SEC23B: variants seen among roughly 807,000 people sequenced by gnomAD.
The protein encoded by SEC23B is SEC23 homolog B, COPII component.
SEC23B carries 77 observed loss-of-function variants against 104.3 expected under a neutral mutation model. The ratio of observed to expected loss-of-function variants is 0.74; its 90% CI spans 0.61 to 0.89. The LOEUF is 0.89. Ranked by LOEUF, SEC23B falls within the 40% of genes least tolerant of loss-of-function variation. SEC23B has a pLI of 0.00. For missense variants in SEC23B, 885 were observed against 949.4 expected (o/e 0.93, Z 0.89); for synonymous variants, 338 against 332.5 (o/e 1.02, Z -0.18).
intron 14 of SEC23B, 38 bp from the exon 15 acceptor site, chr20:18,545,918 T>C (rs1486755963): frequency 8.7e-7 from 1 of 1,148,522 alleles, no homozygotes; most frequent in Admixed American, 1.7e-5. Flanking sequence ...TCTCTTTTTG[T>C]GTGTGTTTGT....
chr20:18,537,692 T>A (rs1256594861), intron 12 of SEC23B, among the ~76,000 whole-genome samples: 9 of 152,068 alleles, frequency 5.9e-5, no homozygotes, highest in East Asian at 3.9e-4. Context: ...CATATGTAAC[T>A]AACCTGCACA....
At chr20:18,534,920 G>A (rs762113361) in intron 11 of SEC23B, among the ~76,000 whole-genome samples, 42 of 152,126 alleles carry the variant, frequency 2.8e-4, no homozygotes, top group Non-Finnish European at 1.6e-4. Flanking sequence ...TGACTTCTTT[G>A]CCTTTTTCCT....
chr20:18,512,155 A>C (rs2059986914), intron 2 of SEC23B, 70 bp from the exon 3 acceptor site: 23 of 960,590 alleles, frequency 2.4e-5, no homozygotes, highest in Middle Eastern at 3.3e-4. Flanking sequence ...AACGCTTTCT[A>C]CCTTAAAAAT....
chr20:18,548,749 C>G lies in SEC23B; in HGVS notation c.1884C>G (p.Tyr628Ter). ...TGATCCAGCCCATTCTCTACTCTTA[C>G]TCCTTTCATGGGCCACCAGAGGTGA... ...LIMIQPILYS[Y>*]SFHGPPEPVL... The change falls in exon 16 of 20, where the codon TAC becomes TAG. Residue 628 changes from tyrosine (Y) to a stop codon, truncating the protein, a stop_gained. Coordinates refer to ENST00000650089, the MANE Select transcript of SEC23B (RefSeq NM_006363.6). LOFTEE classifies it high-confidence loss of function. 6.2e-7 allele frequency: 1 copy of G among 1,614,180 alleles called. No homozygotes were observed. The highest frequency in any genetic ancestry group is 8.5e-7 in the Non-Finnish European group (1 of 1,180,022).
chr20:18,554,517 AAT>A, intron 18 of SEC23B, 127 bp downstream of exon 18: 1 of 1,269,648 alleles, frequency 7.9e-7, no homozygotes, highest in Non-Finnish European at 1.1e-6. Context: ...TAATCTTCCA[AAT>A]ATGACTTCTT....
intron 9 of SEC23B, among the ~76,000 whole-genome samples, chr20:18,528,400 G>A (rs557327972): frequency 6.6e-6 from 1 of 152,298 alleles, no homozygotes; most frequent in East Asian, 1.9e-4. Context: ...AGTTTCTCCC[G>A]TGATTCTAAC....
chr20:18,519,743 T>G (rs1270505057), intron 4 of SEC23B, among the ~76,000 whole-genome samples: 1 of 152,138 alleles, frequency 6.6e-6, no homozygotes, highest in Non-Finnish European at 1.5e-5. Flanking sequence ...AATATAATGG[T>G]TTAGTCAGGA....
chr20:18,536,956 A>G lies in SEC23B; in HGVS notation c.1404+1214A>G, dbSNP rs567743589. Among the ~76,000 whole-genome samples the G allele has an allele frequency of 3.3e-5, 5 of 152,314 alleles. No individual in the cohort carries two copies. In the South Asian group the frequency reaches 8.3e-4, roughly 25 times the overall value. ...TCTTCATACTCTCATCTTCATGTTCAGTAGGCTGAGGAGGAGGAGGAAGAG... is the reference window on the plus strand; with the variant it reads ...TCTTCATACTCTCATCTTCATGTTCGGTAGGCTGAGGAGGAGGAGGAAGAG... On this transcript the variant is annotated intron_variant, in intron 12 of 19. Transcript: ENST00000650089.
chr20:18,558,536 A>G (rs984970856), intron 19 of SEC23B, among the ~76,000 whole-genome samples: 1 of 152,160 alleles, frequency 6.6e-6, no homozygotes. Context: ...CTTGACATCC[A>G]GTGACATGAA....
intron 4 of SEC23B, among the ~76,000 whole-genome samples, chr20:18,518,582 G>GTTTGTT (rs1419813616): frequency 1.2e-4 from 11 of 92,658 alleles, no homozygotes; most frequent in African/African-American, 4.2e-4. Flanking sequence ...CTGGAAGGAG[G>GTTTGTT]TTTTTTTTTT....
chr20:18,531,321 G>C (rs1283395225), intron 10 of SEC23B, among the ~76,000 whole-genome samples: 2 of 152,166 alleles, frequency 1.3e-5, no homozygotes, highest in Non-Finnish European at 2.9e-5. Context: ...ACAGAGACGT[G>C]GTTATGTTTA....
rs542252449 is a variant in SEC23B at position 18,537,484 on chromosome 20, G to A, written c.1404+1742G>A. Among the ~76,000 whole-genome samples the A allele has an allele frequency of 4.6e-4, 70 of 151,914 alleles. 1 individual carries two copies. The Middle Eastern group carries it at 0.01, about 22-fold the overall frequency. ...AAATCATCATTCTCAGTAAACTATCGCAAGGACAAAAAAACACCGCATGTT... is the reference window on the plus strand; with the variant it reads ...AAATCATCATTCTCAGTAAACTATCACAAGGACAAAAAAACACCGCATGTT... On this transcript the variant is annotated intron_variant, in intron 12 of 19. Coordinates refer to ENST00000650089, the MANE Select transcript of SEC23B (RefSeq NM_006363.6).
Position 18,532,703 on chromosome 20 carries a change from T to C in SEC23B, c.1273T>C (p.Cys425Arg). 1.2e-6 allele frequency: 2 copies of C among 1,614,058 alleles called. No individual in the cohort carries two copies. Among genetic ancestry groups the C allele is most frequent in the Non-Finnish European group, 1.7e-6 (2 of 1,179,882 alleles). The stretch of plus-strand genomic sequence containing the variant: ...GAAGATTGCAGGAGCCATTGGTCCA[T>C]GCGTATCTCTGAATGTGAAAGGACC... ...ELKIAGAIGP[C>R]VSLNVKGPCV... The change falls in exon 11 of 20, where the codon TGC becomes CGC. Residue 425 changes from cysteine (C) to arginine (R), a missense_variant. Transcript: ENST00000650089.
chr20:18,520,499 C>T (rs903295092), intron 4 of SEC23B, among the ~76,000 whole-genome samples: 15 of 151,886 alleles, frequency 9.9e-5, no homozygotes, highest in East Asian at 5.8e-4. Context: ...GGGAAAAGAG[C>T]GGGAGTGAGG....
At chr20:18,514,768 A>C (rs1480301335) in intron 3 of SEC23B, among the ~76,000 whole-genome samples, 2 of 152,198 alleles carry the variant, frequency 1.3e-5, no homozygotes, top group African/African-American at 4.8e-5. Context: ...GTCTGGAAGG[A>C]AATCTGCCAG....
chr20:18,550,676 T>G (rs1361675874), intron 16 of SEC23B, among the ~76,000 whole-genome samples: 1 of 151,960 alleles, frequency 6.6e-6, no homozygotes, highest in Non-Finnish European at 1.5e-5. Context: ...AAATAAAAAA[T>G]TAGTTGGGCG....
chr20:18,546,854 G>A (rs1459133817), intron 15 of SEC23B, among the ~76,000 whole-genome samples: 1 of 150,800 alleles, frequency 6.6e-6, no homozygotes, highest in Non-Finnish European at 1.5e-5. Flanking sequence ...CGTAGAGTTT[G>A]GTTTCCCACC....
In SEC23B at chr20:18,530,714, T is replaced by A. The variant is rs148760627; in HGVS notation, c.1144T>A (p.Ser382Thr). ...GGTAATGGGAGATTCTTTCAACACT[T>A]CTCTCTTCAAGCAGACATTCCAAAG... is the stretch of plus-strand genomic sequence containing the variant. The part of the protein sequence containing the change: ...YMVMGDSFNT[S>T]LFKQTFQRIF... Residue 382 changes from serine to threonine, a missense_variant, in exon 10 of 20, where the codon TCT becomes ACT. By Grantham distance (58) the Ser-to-Thr change is moderately conservative. Coordinates refer to ENST00000650089, the MANE Select transcript of SEC23B (RefSeq NM_006363.6). 1.9e-5 allele frequency: 31 copies of A among 1,611,992 alleles called. No individual in the cohort carries two copies. Among genetic ancestry groups the A allele is most frequent in the Non-Finnish European group, 8.5e-7 (1 of 1,178,170 alleles).
intron 4 of SEC23B, among the ~76,000 whole-genome samples, chr20:18,516,969 A>G (rs1600230510): frequency 6.6e-6 from 1 of 152,234 alleles, no homozygotes; most frequent in Admixed American, 6.5e-5. Flanking sequence ...TCTGTAGTTC[A>G]CTAGGCAGCA....
Sources: allele counts gnomAD v4.1 joint callset (sites outside exome capture counted in the v4.1 genomes callset), GRCh38; gene constraint gnomAD v4.1.1; transcripts MANE v1.5; gene names NCBI Gene and HGNC (gene_info 2026-07-23, HGNC 2026-07-21).